Variants in TRIM24 observed in about 807,000 individuals in gnomAD.
The protein encoded by TRIM24 is tripartite motif containing 24.
Under a neutral mutation model 123.9 loss-of-function variants are expected in TRIM24, and 29 were observed. That is an observed-to-expected ratio of 0.23 (90% CI 0.17 to 0.32). TRIM24 has a LOEUF of 0.32. Among genes scored for constraint, TRIM24 ranks in the 10% least tolerant of loss-of-function variants. The pLI, the probability that TRIM24 is intolerant of heterozygous loss-of-function variation, is 1.00. For synonymous variants in TRIM24, 456 were observed against 461.1 expected (o/e 0.99, Z 0.14); for missense variants, 932 against 1,295.3 (o/e 0.72, Z 4.31).
At chr7:138,461,455 T>A (rs1238212676) in intron 1 of TRIM24, among the ~76,000 whole-genome samples, 1 of 152,248 alleles carries the variant, frequency 6.6e-6, no homozygotes, top group East Asian at 1.9e-4. Flanking sequence ...TGGGGCTCTT[T>A]ACCTTAATGA....
rs184247053 is a variant in TRIM24, at chr7:138,575,071, G to T, written c.2015-1302G>T. Among the ~76,000 whole-genome samples the T allele has an allele frequency of 1.5e-3, 229 of 152,222 alleles. 4 individuals are homozygous for T. The highest frequency in any genetic ancestry group is 5.9e-4 in the Non-Finnish European group (40 of 68,016). On this transcript the variant is annotated intron_variant, in intron 12 of 18. Coordinates refer to ENST00000343526, the MANE Select transcript of TRIM24 (RefSeq NM_015905.3). ...CCTATTCAGACAATGCTTATGTAGA[G>T]TTTTTAATGGCATGCTCATGGACTA...
rs10256713 is a variant in TRIM24, at chr7:138,492,299, G to A, written c.365-11991G>A. Among the ~76,000 whole-genome samples, 920 of 102,904 alleles carry A rather than the reference G, an allele frequency of 8.9e-3. 9 individuals carry two copies. The highest frequency in any genetic ancestry group is 0.031 in the African/African-American group (859 of 27,610). The allele number at this position is 102,904 out of a possible 152,430, so 67.5% of individuals were successfully genotyped here. On this transcript the variant is annotated intron_variant, in intron 1 of 18. Transcript: ENST00000343526. ...AAAAAAAAAAAAAAAAAAAAAAAAA[G>A]GGAAAGAAAATAAATGTCTATTCAA...
At chr7:138,562,325 G>A (rs1797444162) in intron 9 of TRIM24, among the ~76,000 whole-genome samples, 1 of 152,158 alleles carries the variant, frequency 6.6e-6, no homozygotes, top group Admixed American at 6.5e-5. Flanking sequence ...GGTGCCAGGT[G>A]AAGACAGAAG....
At chr7:138,559,125 C>T (rs1024226281) in intron 9 of TRIM24, among the ~76,000 whole-genome samples, 1 of 152,184 alleles carries the variant, frequency 6.6e-6, no homozygotes, top group African/African-American at 2.4e-5. Context: ...TAGGTGGGGA[C>T]TTAGGGTCCT....
At chr7:138,575,832 G>A (rs1011316346) in intron 12 of TRIM24, among the ~76,000 whole-genome samples, 4 of 151,924 alleles carry the variant, frequency 2.6e-5, no homozygotes, top group Non-Finnish European at 5.9e-5. Flanking sequence ...TTTGTTTATT[G>A]CCTTAAGTCT....
At chr7:138,568,573 G>A (rs1459574564) in intron 10 of TRIM24, among the ~76,000 whole-genome samples, 1 of 151,468 alleles carries the variant, frequency 6.6e-6, no homozygotes, top group Non-Finnish European at 1.5e-5. Context: ...TTTTAGTAGA[G>A]ACAGGGTTTC....
At chr7:138,544,574 T>C (rs1797064805) in intron 7 of TRIM24, among the ~76,000 whole-genome samples, 2 of 152,212 alleles carry the variant, frequency 1.3e-5, no homozygotes, top group African/African-American at 4.8e-5. Context: ...TTTTAATTAT[T>C]TGAAGAACCT....
chr7:138,579,345 G>A lies in TRIM24; in HGVS notation c.2398G>A (p.Gly800Arg), dbSNP rs1429384122. 1.9e-6 allele frequency: 3 copies of A among 1,613,988 alleles called. No homozygotes were observed. Among genetic ancestry groups the A allele is most frequent in the Non-Finnish European group, 2.5e-6 (3 of 1,180,024 alleles). Reference sequence around the variant, plus strand: ...ACTTCACCAGGACAATTCCTCAAATGGAAAGTCTGAATGGTTGGATCCTTC... The same window carrying A: ...ACTTCACCAGGACAATTCCTCAAATAGAAAGTCTGAATGGTTGGATCCTTC... ...PGLHQDNSSNGKSEWLDPSQK... is the reference protein window; with the variant it reads ...PGLHQDNSSNRKSEWLDPSQK... The change falls in exon 15 of 19, where the codon GGA becomes AGA. Residue 800 changes from glycine (G) to arginine (R), a missense_variant. Physicochemically the swap from Gly to Arg is moderately radical, Grantham distance 125. This residue lies in a region of TRIM24 where 527 missense variants were observed against 691.3 expected (regional missense o/e 0.76). Transcript: ENST00000343526.
chr7:138,472,156 A>G (rs1009941647), intron 1 of TRIM24, among the ~76,000 whole-genome samples: 1 of 152,130 alleles, frequency 6.6e-6, no homozygotes, highest in Admixed American at 6.5e-5. Context: ...GTGGGGAGGA[A>G]TGGGATAAGG....
At chr7:138,578,591 G>A (rs533676538) in intron 14 of TRIM24, among the ~76,000 whole-genome samples, 2 of 151,406 alleles carry the variant, frequency 1.3e-5, no homozygotes, top group Non-Finnish European at 2.9e-5. Context: ...GAAGCAGGAC[G>A]GGGTTGGAGA....
intron 1 of TRIM24, among the ~76,000 whole-genome samples, chr7:138,467,371 C>T (rs1795166731): frequency 6.6e-6 from 1 of 151,744 alleles, no homozygotes; most frequent in Admixed American, 6.6e-5. Context: ...TGAGATGAGT[C>T]TTGCTCTGTT....
chr7:138,549,540 G>T (rs1797168691), intron 7 of TRIM24, among the ~76,000 whole-genome samples: 1 of 152,006 alleles, frequency 6.6e-6, no homozygotes, highest in Non-Finnish European at 1.5e-5. Flanking sequence ...GAAACCAAAT[G>T]AAAAAAAGCA....
At chr7:138,544,969 A>G (rs1797071780) in intron 7 of TRIM24, among the ~76,000 whole-genome samples, 3 of 152,238 alleles carry the variant, frequency 2.0e-5, no homozygotes, top group Non-Finnish European at 4.4e-5. Context: ...CCATCATGAC[A>G]CCACAAATGG....
chr7:138,516,939 T>C lies in TRIM24; in HGVS notation c.631+1580T>C, dbSNP rs564952528. Among the ~76,000 whole-genome samples the C allele has an allele frequency of 5.6e-4, 84 of 151,096 alleles. 2 individuals are homozygous for C. The South Asian group carries it at 0.018, about 32-fold the overall frequency. On this transcript the variant is annotated intron_variant, in intron 3 of 18. Transcript: ENST00000343526. ...GCCTTGCCAACATGGTGAAACCCTA[T>C]CTACAAAAAAAAATTAGCTGGGCGT...
At chr7:138,494,263 G>GC (rs955156041) in intron 1 of TRIM24, among the ~76,000 whole-genome samples, 1 of 151,914 alleles carries the variant, frequency 6.6e-6, no homozygotes, top group Non-Finnish European at 1.5e-5. Context: ...ATTACAGGGG[G>GC]CCGTGAGCCA....
intron 1 of TRIM24, among the ~76,000 whole-genome samples, chr7:138,490,084 G>C (rs949263070): frequency 3.3e-5 from 5 of 151,774 alleles, no homozygotes; most frequent in Admixed American, 6.6e-5. Context: ...TTCTCTTCTC[G>C]CTTCATTTCA....
chr7:138,489,782 C>T (rs1443647253), intron 1 of TRIM24, among the ~76,000 whole-genome samples: 8 of 152,112 alleles, frequency 5.3e-5, no homozygotes, highest in Middle Eastern at 6.3e-3. Context: ...CCGCGCTTAA[C>T]GTTTTTTCCT....
chr7:138,553,379 A>G (rs1172915270), intron 8 of TRIM24, among the ~76,000 whole-genome samples: 3 of 152,208 alleles, frequency 2.0e-5, no homozygotes, highest in Non-Finnish European at 4.4e-5. Context: ...CCTTATGTGT[A>G]AAAGAGAATG....
chr7:138,473,509 C>T (rs937012746), intron 1 of TRIM24, among the ~76,000 whole-genome samples: 2 of 152,162 alleles, frequency 1.3e-5, no homozygotes, highest in African/African-American at 4.8e-5. Flanking sequence ...CTAAAGCTAT[C>T]TCCTCCTCTC....
Sources: gnomAD v4.1 joint callset for allele counts (sites outside exome capture counted in the v4.1 genomes callset) on GRCh38, gnomAD v4.1.1 for gene constraint, gnomAD v4.1.1 regional missense constraint, MANE v1.5 for transcripts, NCBI Gene and HGNC (gene_info 2026-07-23, HGNC 2026-07-21) for gene names.